The following COMMD10 variants were observed in gnomAD, a reference collection of about 807,000 sequenced individuals.
COMMD10 encodes the protein COMM domain-containing protein 10.
In COMMD10, 33 loss-of-function variants were observed where a neutral mutation model predicts 28.9. The observed-to-expected ratio is 1.14, with a 90% CI of 0.87 to 1.53. The LOEUF (loss-of-function observed/expected upper bound fraction) is 1.53, where lower values mean the gene tolerates loss of function less well. COMMD10 is among the 40% of genes most tolerant of loss of function. The pLI, the probability that COMMD10 is intolerant of heterozygous loss-of-function variation, is 0.00. For missense variants in COMMD10, 310 were observed against 233.4 expected, an observed-to-expected ratio of 1.33 and a Z score of -2.14; for synonymous variants, 110 against 81.7, an observed-to-expected ratio of 1.35 and a Z score of -1.87.
At chr5:116,230,307 G>A (rs754646961) in intron 5 of COMMD10, among the ~76,000 whole-genome samples, 1 of 151,956 alleles carries the variant, frequency 6.6e-6, no homozygotes, top group Non-Finnish European at 1.5e-5. Flanking sequence ...TTAAGATTGA[G>A]CCGGGGAACC....
chr5:116,284,799 C>T (rs965358113), intron 5 of COMMD10, among the ~76,000 whole-genome samples: 1 of 151,620 alleles, frequency 6.6e-6, no homozygotes, highest in Non-Finnish European at 1.5e-5. Context: ...ACTCATAGGC[C>T]AGAAGTATAT....
At chr5:116,257,223 T>A (rs924156344) in intron 5 of COMMD10, among the ~76,000 whole-genome samples, 4 of 151,624 alleles carry the variant, frequency 2.6e-5, no homozygotes, top group Non-Finnish European at 5.9e-5. Context: ...AATTTTCTAC[T>A]TGTAGTGTCA....
intron 4 of COMMD10, among the ~76,000 whole-genome samples, chr5:116,095,656 C>A (rs986730225): frequency 2.0e-5 from 3 of 149,824 alleles, no homozygotes; most frequent in Non-Finnish European, 3.0e-5. Flanking sequence ...TTTTTTTTTT[C>A]TCTTTTCATG....
intron 5 of COMMD10, among the ~76,000 whole-genome samples, chr5:116,217,129 A>G (rs1749124099): frequency 6.6e-6 from 1 of 151,990 alleles, no homozygotes; most frequent in African/African-American, 2.4e-5. Context: ...AGATTTGGAA[A>G]ATACAAACAA....
rs563197248 is a variant in COMMD10 at position 116,153,153 on chromosome 5, A to G, written c.510+18975A>G. Among the ~76,000 whole-genome samples, 4 of 152,252 alleles carry G rather than the reference A, an allele frequency of 2.6e-5. No homozygotes were observed. The South Asian group carries it at 8.3e-4, about 32-fold the overall frequency. On this transcript the variant is annotated intron_variant, in intron 5 of 6. Transcript: ENST00000274458. ...TGGCTATATGTTTCCTAAAAGTGAT[A>G]ATCTTTGGAGATGGACAGATCTTAC...
intron 5 of COMMD10, among the ~76,000 whole-genome samples, chr5:116,202,197 C>T (rs1158354149): frequency 6.6e-6 from 1 of 151,912 alleles, no homozygotes; most frequent in African/African-American, 2.4e-5. Context: ...TCATCCATGT[C>T]CCTACAAAGG....
At chr5:116,116,805 G>A (rs1303006756) in intron 4 of COMMD10, among the ~76,000 whole-genome samples, 2 of 149,592 alleles carry the variant, frequency 1.3e-5, no homozygotes, top group African/African-American at 5.0e-5. Flanking sequence ...TGCAAGCTCC[G>A]CTTCCCGGGT....
At chr5:116,267,317 G>T (rs1353836147) in intron 5 of COMMD10, among the ~76,000 whole-genome samples, 2 of 151,898 alleles carry the variant, frequency 1.3e-5, no homozygotes, top group Non-Finnish European at 2.9e-5. Context: ...GACAAACAGA[G>T]AGTGAAATCA....
intron 5 of COMMD10, among the ~76,000 whole-genome samples, chr5:116,169,923 C>A (rs748722790): frequency 2.0e-5 from 3 of 151,924 alleles, no homozygotes; most frequent in African/African-American, 7.2e-5. Context: ...CTTTGAAAAC[C>A]GGCAGAAGAC....
intron 5 of COMMD10, among the ~76,000 whole-genome samples, chr5:116,209,814 T>C (rs1035098019): frequency 6.6e-6 from 1 of 152,172 alleles, no homozygotes; most frequent in Non-Finnish European, 1.5e-5. Context: ...TTTAAGATAT[T>C]GTCAGCTACT....
rs555769845 is a variant in COMMD10, at chr5:116,163,637, A to G, written c.510+29459A>G. 5.3e-5 allele frequency among the ~76,000 whole-genome samples: 8 copies of G among 152,182 alleles called. No homozygotes were observed. In the East Asian group the frequency reaches 1.5e-3, roughly 29 times the overall value. ...AATAAACCAAAAACTCAACACAAGG[A>G]AACTATCTTGATGATTTTGTGAATA... On this transcript the variant is annotated intron_variant, in intron 5 of 6. Coordinates refer to ENST00000274458, the MANE Select transcript of COMMD10 (RefSeq NM_016144.4).
chr5:116,089,341 C>T (rs1440083231), intron 2 of COMMD10, among the ~76,000 whole-genome samples: 2 of 152,160 alleles, frequency 1.3e-5, no homozygotes, highest in Non-Finnish European at 2.9e-5. Flanking sequence ...AACTTGGCTC[C>T]GTAACTCTCT....
chr5:116,193,811 G>T (rs1748435104), intron 5 of COMMD10, among the ~76,000 whole-genome samples: 1 of 152,066 alleles, frequency 6.6e-6, no homozygotes, highest in Non-Finnish European at 1.5e-5. Flanking sequence ...TGGAACAAAT[G>T]GACTTAGCAG....
chr5:116,279,802 C>G (rs183048877), intron 5 of COMMD10, among the ~76,000 whole-genome samples: 4 of 151,670 alleles, frequency 2.6e-5, no homozygotes, highest in Non-Finnish European at 5.9e-5. Context: ...TTTTTTCAGA[C>G]CATTTTTGAG....
intron 5 of COMMD10, among the ~76,000 whole-genome samples, chr5:116,284,709 T>A (rs1165811881): frequency 6.6e-6 from 1 of 151,940 alleles, no homozygotes; most frequent in Non-Finnish European, 1.5e-5. Context: ...TTGCTACTGA[T>A]AACTAAGATG....
chr5:116,141,497 G>A (rs183732671), intron 5 of COMMD10, among the ~76,000 whole-genome samples: 1 of 151,776 alleles, frequency 6.6e-6, no homozygotes, highest in African/African-American at 2.4e-5. Flanking sequence ...TATTGCTATG[G>A]GTAGTATGGA....
At chr5:116,203,981 G>A (rs1174233508) in intron 5 of COMMD10, among the ~76,000 whole-genome samples, 1 of 152,136 alleles carries the variant, frequency 6.6e-6, no homozygotes, top group East Asian at 1.9e-4. Flanking sequence ...TCAGTGTGCT[G>A]TATTCAGGAA....
At chr5:116,166,628 G>A (rs889218002) in intron 5 of COMMD10, among the ~76,000 whole-genome samples, 1 of 152,134 alleles carries the variant, frequency 6.6e-6, no homozygotes, top group African/African-American at 2.4e-5. Flanking sequence ...CCTCTGAGAC[G>A]AAACTTCCAG....
chr5:116,210,128 C>T (rs1396917812), intron 5 of COMMD10, among the ~76,000 whole-genome samples: 2 of 152,150 alleles, frequency 1.3e-5, no homozygotes, highest in Non-Finnish European at 2.9e-5. Context: ...AACTAACTCA[C>T]TCCTGCAATA....
Sources: gnomAD v4.1 joint callset for allele counts (sites outside exome capture counted in the v4.1 genomes callset) on GRCh38, gnomAD v4.1.1 for gene constraint, MANE v1.5 for transcripts, NCBI Gene and HGNC (gene_info 2026-07-23, HGNC 2026-07-21) for gene names.